The following RAVER2 variants were observed in gnomAD, a reference collection of about 807,000 sequenced individuals.
RAVER2 encodes the protein ribonucleoprotein PTB-binding 2.
In RAVER2, 46 loss-of-function variants were observed where a neutral mutation model predicts 78.1. The observed-to-expected ratio is 0.59, with a 90% CI of 0.46 to 0.75. The LOEUF (loss-of-function observed/expected upper bound fraction) is 0.75. Among genes scored for constraint, RAVER2 ranks in the 30% least tolerant of loss-of-function variants. RAVER2 has a pLI of 0.00. For synonymous variants in RAVER2, 311 were observed against 313.3 expected (o/e 0.99, Z 0.08); for missense variants, 793 against 837.5 (o/e 0.95, Z 0.66).
chr1:64,832,744 T>TAAG (rs1054611368), exon 12 of RAVER2: 2 of 152,310 alleles, frequency 1.3e-5, no homozygotes, highest in South Asian at 2.1e-4. Flanking sequence ...ATACTACCTA[T>TAAG]AAGTAACTGA....
intron 11 of RAVER2, among the ~76,000 whole-genome samples, chr1:64,820,787 C>T (rs1570583886): frequency 6.6e-6 from 1 of 152,060 alleles, no homozygotes; most frequent in Non-Finnish European, 1.5e-5. Context: ...TGTATATGTA[C>T]CACATATCCA....
At chr1:64,777,146 A>AT (rs1355284201) in intron 2 of RAVER2, among the ~76,000 whole-genome samples, 1 of 152,050 alleles carries the variant, frequency 6.6e-6, no homozygotes. Context: ...CTGTACCTTC[A>AT]TTTTTTCAGG....
At chr1:64,791,040 T>C (rs1327818988) in intron 5 of RAVER2, among the ~76,000 whole-genome samples, 1 of 152,176 alleles carries the variant, frequency 6.6e-6, no homozygotes, top group Non-Finnish European at 1.5e-5. Flanking sequence ...AATAGTTCAA[T>C]AGAATGACTC....
chr1:64,833,133 T>A, exon 12 of RAVER2: 26 of 174,220 alleles, frequency 1.5e-4, no homozygotes, highest in Non-Finnish European at 2.2e-4. Context: ...AACCCACCCC[T>A]TCCTCCCCCC....
intron 1 of RAVER2, among the ~76,000 whole-genome samples, chr1:64,760,390 C>A (rs1651988188): frequency 6.6e-6 from 1 of 152,046 alleles, no homozygotes; most frequent in South Asian, 2.1e-4. Flanking sequence ...GTTTCAGGAA[C>A]CTTTAGTTTA....
chr1:64,795,627 GAA>G, intron 5 of RAVER2, among the ~76,000 whole-genome samples: 1 of 152,094 alleles, frequency 6.6e-6, no homozygotes, highest in Admixed American at 6.5e-5. Context: ...TTAGCATATA[GAA>G]GTATGACTGA....
chr1:64,787,739 CT>C (rs1229609666), intron 4 of RAVER2, among the ~76,000 whole-genome samples: 1 of 152,210 alleles, frequency 6.6e-6, no homozygotes, highest in Non-Finnish European at 1.5e-5. Context: ...TCCCACCTCA[CT>C]GTCCTGGCCA....
intron 2 of RAVER2, among the ~76,000 whole-genome samples, chr1:64,770,754 T>C (rs1322513863): frequency 6.6e-6 from 1 of 151,928 alleles, no homozygotes; most frequent in Non-Finnish European, 1.5e-5. Context: ...ATATAAAATA[T>C]CCAAATCAAA....
At chr1:64,787,830 G>T (rs1457152435) in intron 4 of RAVER2, among the ~76,000 whole-genome samples, 1 of 152,136 alleles carries the variant, frequency 6.6e-6, no homozygotes, top group African/African-American at 2.4e-5. Context: ...GTGGACCCAT[G>T]CACTCTCATG....
exon 7 of RAVER2, chr1:64,804,786 T>C: frequency 6.4e-7 from 1 of 1,552,760 alleles, no homozygotes; most frequent in Non-Finnish European, 8.9e-7. Context: ...CTTTCTCATA[T>C]ACCACTGGCA....
intron 2 of RAVER2, among the ~76,000 whole-genome samples, chr1:64,776,734 T>C (rs1031670687): frequency 1.3e-5 from 2 of 152,206 alleles, no homozygotes; most frequent in Non-Finnish European, 1.5e-5. Context: ...ACTTTTCCTA[T>C]AAAATTGCTC....
chr1:64,757,416 T>C (rs1459840895), intron 1 of RAVER2, among the ~76,000 whole-genome samples: 1 of 152,132 alleles, frequency 6.6e-6, no homozygotes, highest in African/African-American at 2.4e-5. Context: ...TTAGTGTCCT[T>C]ATAAGAAGAG....
chr1:64,791,199 C>T (rs1008929535), intron 5 of RAVER2, among the ~76,000 whole-genome samples: 1 of 152,188 alleles, frequency 6.6e-6, no homozygotes, highest in African/African-American at 2.4e-5. Flanking sequence ...ATGTCACCCT[C>T]CCAACACATC....
chr1:64,817,370 A>G (rs999090868), intron 11 of RAVER2, among the ~76,000 whole-genome samples: 8 of 152,190 alleles, frequency 5.3e-5, no homozygotes, highest in African/African-American at 1.9e-4. Flanking sequence ...CTAGAACTAG[A>G]AATATCATTT....
chr1:64,814,736 G>A, exon 11 of RAVER2: 1 of 1,567,352 alleles, frequency 6.4e-7, no homozygotes, highest in Non-Finnish European at 8.7e-7. Context: ...TCATAAGACT[G>A]GAATTGCAAG....
At chr1:64,799,919 A>T (rs1653211790) in intron 5 of RAVER2, among the ~76,000 whole-genome samples, 1 of 151,924 alleles carries the variant, frequency 6.6e-6, no homozygotes, top group Non-Finnish European at 1.5e-5. Flanking sequence ...AGCATTTATT[A>T]TTTGTTTGTC....
Position 64,773,361 on chromosome 1 carries a change from T to C in RAVER2, c.317-4262T>C, listed in dbSNP as rs528133900. On this transcript the variant is annotated intron_variant, in intron 2 of 11. Transcript: ENST00000294428. Reference sequence around the variant, plus strand: ...CGCTACACCCCCCGACAGGCCCCAGTGTGTGATGTTCCCCTCCCTGTGTCC... The same window carrying C: ...CGCTACACCCCCCGACAGGCCCCAGCGTGTGATGTTCCCCTCCCTGTGTCC... Among the ~76,000 whole-genome samples, 22 of 151,086 alleles carry C rather than the reference T, an allele frequency of 1.5e-4. 1 individual carries two copies. The South Asian group carries it at 4.3e-3, about 29-fold the overall frequency.
chr1:64,775,111 G>C (rs1652425574), intron 2 of RAVER2, among the ~76,000 whole-genome samples: 2 of 152,154 alleles, frequency 1.3e-5, no homozygotes, highest in African/African-American at 4.8e-5. Context: ...ATACAATCAT[G>C]TCATCTGCAA....
At chr1:64,759,714 C>T (rs968334753) in intron 1 of RAVER2, among the ~76,000 whole-genome samples, 29 of 152,112 alleles carry the variant, frequency 1.9e-4, no homozygotes, top group African/African-American at 7.0e-4. Context: ...GACTGGGTTT[C>T]ACTGTGTTAG....
Sources: gnomAD v4.1 joint callset for allele counts (sites outside exome capture counted in the v4.1 genomes callset) on GRCh38, gnomAD v4.1.1 for gene constraint, MANE v1.5 for transcripts, NCBI Gene and HGNC (gene_info 2026-07-23, HGNC 2026-07-21) for gene names.